Variants in CUX1 observed in about 807,000 individuals in gnomAD.
CUX1 encodes the protein cut like homeobox 1, also known as protein CASP.
A neutral mutation model predicts 158.8 loss-of-function variants in CUX1; 31 were observed. The ratio of observed to expected loss-of-function variants is 0.20; its 90% CI spans 0.15 to 0.26. CUX1 has a LOEUF of 0.26. Ranked by LOEUF, CUX1 falls within the 10% of genes least tolerant of loss-of-function variation. The pLI is 1.00. For synonymous variants in CUX1, 879 were observed against 862.1 expected (o/e 1.02, Z -0.34); for missense variants, 1,589 against 2,014.6 (o/e 0.79, Z 4.04).
Position 102,255,042 on chromosome 7 carries a change from C to T in CUX1, c.*6000C>T. 1.0e-6 allele frequency: 1 copy of T among 985,500 alleles called. No homozygotes were observed. The highest frequency in any genetic ancestry group is 1.2e-6 in the Non-Finnish European group (1 of 830,052). 61.0% of individuals were successfully genotyped at this position (985,500 alleles called of 1,614,324 possible). On this transcript the variant is annotated 3_prime_UTR_variant, in exon 24 of 24. Transcript: ENST00000292535. The stretch of plus-strand genomic sequence containing the variant: ...ACGGAAGAGGAGGGGGTGTGGGGGG[C>T]AGAGCGTAAAACAAGCCCCAGCCCT...
intron 2 of CUX1, among the ~76,000 whole-genome samples, chr7:101,965,285 G>C (rs901742927): frequency 6.6e-6 from 1 of 152,158 alleles, no homozygotes; most frequent in Admixed American, 6.5e-5. Context: ...CGGGGAGGGG[G>C]CTTCCTTCCT....
At chr7:102,010,009 C>T (rs1302545496) in intron 2 of CUX1, among the ~76,000 whole-genome samples, 1 of 152,148 alleles carries the variant, frequency 6.6e-6, no homozygotes, top group Non-Finnish European at 1.5e-5. Flanking sequence ...AGAAAGGTTG[C>T]TCTGACCTCT....
chr7:102,266,931 C>G (rs1554545202), intron 14 of CUX1, among the ~76,000 whole-genome samples: 1 of 152,030 alleles, frequency 6.6e-6, no homozygotes, highest in East Asian at 1.9e-4. Flanking sequence ...AGGGAAGGGG[C>G]GTGTGTGCAT....
At position 102,056,224 on chromosome 7, in the gene CUX1, G is replaced by A. The variant is rs535036437; in HGVS notation, c.190-14115G>A. ...AGGAGATCTAGCTAAGATAATCAACGAAGATGATGGCGCTACACAACAGAT... is the reference window on the plus strand; with the variant it reads ...AGGAGATCTAGCTAAGATAATCAACAAAGATGATGGCGCTACACAACAGAT... On this transcript the variant is annotated intron_variant, in intron 3 of 23. Transcript: ENST00000292535. Among the ~76,000 whole-genome samples the A allele has an allele frequency of 8.5e-5, 13 of 152,316 alleles. No individual in the cohort carries two copies. The South Asian group carries it at 1.0e-3, about 12-fold the overall frequency.
intron 22 of CUX1, 79 bp from the exon 23 acceptor site, chr7:102,239,218 AGTCCTGCAAGCCGGCACTGTGCC>A: frequency 7.4e-7 from 1 of 1,350,920 alleles, no homozygotes; most frequent in Non-Finnish European, 9.9e-7. Context: ...CTCTATGCAA[AGTCCTGCAAGCCGGCACTGTGCC>A]GTCCCGCTAG....
intron 1 of CUX1, among the ~76,000 whole-genome samples, chr7:101,906,585 C>T (rs558878786): frequency 2.5e-4 from 38 of 151,894 alleles, no homozygotes; most frequent in Non-Finnish European, 1.6e-4. Flanking sequence ...AAGCTCACGG[C>T]GGGCTTTGGC....
chr7:102,281,923 G>C, intron 21 of CUX1: 2 of 1,604,018 alleles, frequency 1.2e-6, no homozygotes. Context: ...TCTTCCTGGT[G>C]AGTGTGCACA....
At chr7:102,112,051 A>G in intron 7 of CUX1, 1 of 340,466 alleles carries the variant, frequency 2.9e-6, no homozygotes, top group Non-Finnish European at 5.4e-6. Context: ...TTTCCAACAA[A>G]CACTTCTAAA....
At chr7:101,974,675 C>T (rs1812419837) in intron 2 of CUX1, among the ~76,000 whole-genome samples, 2 of 152,104 alleles carry the variant, frequency 1.3e-5, no homozygotes, top group Non-Finnish European at 1.5e-5. Context: ...CAGAGAAGAG[C>T]GCAGCCAGGG....
chr7:102,168,184 G>C (rs1333446808), intron 9 of CUX1, among the ~76,000 whole-genome samples: 1 of 152,068 alleles, frequency 6.6e-6, no homozygotes. Context: ...CTGATGGCTG[G>C]TTCTAGATTC....
At chr7:101,891,606 T>C (rs1004042984) in intron 1 of CUX1, among the ~76,000 whole-genome samples, 1 of 152,180 alleles carries the variant, frequency 6.6e-6, no homozygotes, top group Non-Finnish European at 1.5e-5. Flanking sequence ...CAGAGATCAA[T>C]AAGACAGCCC....
In CUX1 at chr7:102,223,005, T is replaced by C. The variant is rs532460272; in HGVS notation, c.3131-4362T>C. Among the ~76,000 whole-genome samples, 20 of 151,326 alleles carry C rather than the reference T, an allele frequency of 1.3e-4. No homozygotes were observed. The East Asian group carries it at 3.8e-3, about 29-fold the overall frequency. On this transcript the variant is annotated intron_variant, in intron 20 of 23. Coordinates refer to ENST00000292535, the MANE Select transcript of CUX1 (RefSeq NM_181552.4). Reference sequence around the variant, plus strand: ...TTTTAGTAGAGATGGGGTTTCACCATGTTGGCCAGGCTGGTCTCGAACTCC... The same window carrying C: ...TTTTAGTAGAGATGGGGTTTCACCACGTTGGCCAGGCTGGTCTCGAACTCC...
At position 101,886,736 on chromosome 7, in the gene CUX1, A is replaced by G. The variant is rs1214778439; in HGVS notation, c.31-29379A>G. On this transcript the variant is annotated intron_variant, in intron 1 of 23. Transcript: ENST00000292535. ...TATGTTATGGAGAAGTGCCCAGAGC[A>G]GGGACCGCAGGCACAAGGTGGGCCT... is the stretch of plus-strand genomic sequence containing the variant. 3.3e-5 allele frequency among the ~76,000 whole-genome samples: 5 copies of G among 152,178 alleles called. No homozygotes were observed. In the East Asian group the frequency reaches 9.6e-4, roughly 29 times the overall value.
At chr7:102,020,205 C>T (rs1182676460) in intron 2 of CUX1, among the ~76,000 whole-genome samples, 1 of 152,166 alleles carries the variant, frequency 6.6e-6, no homozygotes, top group Non-Finnish European at 1.5e-5. Flanking sequence ...GTTTCAATGC[C>T]ATTTAAAATT....
chr7:101,921,855 C>T (rs988332468), intron 2 of CUX1, among the ~76,000 whole-genome samples: 7 of 152,044 alleles, frequency 4.6e-5, no homozygotes, highest in African/African-American at 1.5e-4. Context: ...CAGTGGCTTA[C>T]GCCTGTAATC....
intron 1 of CUX1, among the ~76,000 whole-genome samples, chr7:101,844,868 G>A (rs1022946406): frequency 2.0e-5 from 3 of 151,976 alleles, no homozygotes; most frequent in African/African-American, 7.2e-5. Context: ...CACCCACTTT[G>A]GCCTCCCAAA....
intron 3 of CUX1, among the ~76,000 whole-genome samples, chr7:102,040,021 ACT>A: frequency 6.6e-6 from 1 of 151,976 alleles, no homozygotes; most frequent in South Asian, 2.1e-4. Flanking sequence ...GCTGGGTTTT[ACT>A]CTCTGGTCTT....
chr7:101,951,024 A>G (rs1320085167), intron 2 of CUX1, among the ~76,000 whole-genome samples: 1 of 152,196 alleles, frequency 6.6e-6, no homozygotes, highest in Non-Finnish European at 1.5e-5. Flanking sequence ...TGATTGATTA[A>G]CTTCGCTGGT....
At chr7:101,830,617 TA>T (rs1793880999) in intron 1 of CUX1, among the ~76,000 whole-genome samples, 1 of 151,708 alleles carries the variant, frequency 6.6e-6, no homozygotes, top group Non-Finnish European at 1.5e-5. Flanking sequence ...CATGCCTGGC[TA>T]ATTTTTTTTA....
Sources: allele counts gnomAD v4.1 joint callset (sites outside exome capture counted in the v4.1 genomes callset), GRCh38; gene constraint gnomAD v4.1.1; transcripts MANE v1.5; gene names NCBI Gene and HGNC (gene_info 2026-07-23, HGNC 2026-07-21).